NRDE2: variants seen among roughly 807,000 people sequenced by gnomAD.
NRDE2 encodes nuclear exosome regulator NRDE2.
Under a neutral mutation model 124.2 loss-of-function variants are expected in NRDE2, and 76 were observed. The observed-to-expected ratio is 0.61, with a 90% CI of 0.51 to 0.74. The LOEUF (loss-of-function observed/expected upper bound fraction) is 0.74. Ranked by LOEUF, NRDE2 falls within the 30% of genes least tolerant of loss-of-function variation. NRDE2 has a pLI of 0.00. For missense variants in NRDE2, 1,314 were observed against 1,417.3 expected (o/e 0.93, Z 1.17); for synonymous variants, 489 against 528.1 (o/e 0.93, Z 1.01).
chr14:90,330,222 T>TAAATAAATAAATAAAAAAA (rs142138155), intron 1 of NRDE2, among the ~76,000 whole-genome samples: 8 of 141,590 alleles, frequency 5.7e-5, no homozygotes, highest in African/African-American at 2.1e-4. Context: ...AAAAAATAAA[T>TAAATAAATAAATAAAAAAA]AAATAAATAA....
intron 1 of NRDE2, among the ~76,000 whole-genome samples, chr14:90,323,797 A>C (rs1479004747): frequency 6.6e-6 from 1 of 152,180 alleles, no homozygotes; most frequent in African/African-American, 2.4e-5. Context: ...TTATAACACA[A>C]GCTCTGTACG....
At chr14:90,292,658 C>T (rs764357247) in intron 9 of NRDE2, 39 bp downstream of exon 9, 3 of 1,596,020 alleles carry the variant, frequency 1.9e-6, no homozygotes, top group Admixed American at 3.4e-5. Flanking sequence ...AGGCAGGGAC[C>T]CCCTGGACAG....
At position 90,296,462 on chromosome 14, in the gene NRDE2, C is replaced by CA. The variant is rs542961014; in HGVS notation, c.1666+1797dup. On this transcript the variant is annotated intron_variant, in intron 8 of 13. Coordinates refer to ENST00000354366, the MANE Select transcript of NRDE2 (RefSeq NM_017970.4). The stretch of plus-strand genomic sequence containing the variant: ...CAAGTGAGGCATGATCACTGCCTGA[C>CA]AGCACTGCCCAGAGGAGAGTTACCC... Among the ~76,000 whole-genome samples, 262 of 152,358 alleles carry CA rather than the reference C, an allele frequency of 1.7e-3. 1 individual carries two copies. The highest frequency in any genetic ancestry group is 6.4e-3 in the South Asian group (31 of 4,830).
chr14:90,314,921 G>C (rs1281635927), intron 3 of NRDE2, among the ~76,000 whole-genome samples: 1 of 152,014 alleles, frequency 6.6e-6, no homozygotes, highest in Non-Finnish European at 1.5e-5. Flanking sequence ...TGTAATCCCA[G>C]CACTTTGGGA....
Position 90,272,358 on chromosome 14 carries a change from A to G in NRDE2, c.*5978T>C, listed in dbSNP as rs774562807. The G allele has an allele frequency of 2.3e-5, 37 of 1,599,296 alleles. No homozygotes were observed. The highest frequency in any genetic ancestry group is 1.5e-4 in the South Asian group (13 of 88,828). On this transcript the variant is annotated 3_prime_UTR_variant, in exon 14 of 14. Transcript: ENST00000354366. The surrounding 1 kb of genome is among the most constrained non-coding windows in gnomAD (Gnocchi z 4.5). ...GAAGACTTCAAAAAATCTAAAGAAA[A>G]TGTTCTTTATAAGAAACAGGAAGGC...
chr14:90,326,480 G>A (rs1205963850), intron 1 of NRDE2, among the ~76,000 whole-genome samples: 2 of 138,186 alleles, frequency 1.4e-5, no homozygotes, highest in Admixed American at 8.0e-5. Context: ...CGGCCTGGGC[G>A]ACAGAGCGAG....
intron 4 of NRDE2, among the ~76,000 whole-genome samples, chr14:90,308,157 T>C (rs1884686683): frequency 6.6e-6 from 1 of 152,234 alleles, no homozygotes; most frequent in South Asian, 2.1e-4. Flanking sequence ...GCCAACTATT[T>C]TATCTGGTGT....
At position 90,316,702 on chromosome 14, in the gene NRDE2, G is replaced by T; in HGVS notation, c.283C>A (p.His95Asn). 1.2e-6 allele frequency: 2 copies of T among 1,613,804 alleles called. No individual in the cohort carries two copies. The highest frequency in any genetic ancestry group is 1.7e-6 in the Non-Finnish European group (2 of 1,179,936). ...CCATGCTTCCTCTTTGTTTTCTTAT[G>T]ATGCTGATGCTTCCTTTTTTTCTTT... ...EKKKKRKHQH[H>N]KKTKRKHGPS... Residue 95 changes from histidine to asparagine, a missense_variant, in exon 3 of 14, where the codon CAT becomes AAT. Physicochemically the swap from His to Asn is moderately conservative, Grantham distance 68. Coordinates refer to ENST00000354366, the MANE Select transcript of NRDE2 (RefSeq NM_017970.4).
At position 90,288,828 on chromosome 14, in the gene NRDE2, T is replaced by C. The variant is rs766871563; in HGVS notation, c.2547A>G (p.Ile849Met). The C allele has an allele frequency of 2.1e-5, 34 of 1,614,130 alleles. No homozygotes were observed. Among genetic ancestry groups the C allele is most frequent in the Non-Finnish European group, 2.9e-5 (34 of 1,180,032 alleles). The change falls in exon 11 of 14, where the codon ATA (isoleucine) becomes ATG (methionine). Residue 849 changes from isoleucine (I) to methionine (M), a missense_variant. Coordinates refer to ENST00000354366, the MANE Select transcript of NRDE2 (RefSeq NM_017970.4). ...GGCTGCTCTCAGTCAGCTTGGTTAA[T>C]ATGTGAACAGCTCGAGCTGTGGCAG... ...RRAATARAVH[I>M]LTKLTESSPY...
rs551469786 is a variant in NRDE2, at chr14:90,273,070, C to T, written c.*5266G>A. ...GTGTTCAGAAACATGTCAGAACTTCCCCTTCCCTTTCTCCGTCTATTTCCG... is the reference window on the plus strand; with the variant it reads ...GTGTTCAGAAACATGTCAGAACTTCTCCTTCCCTTTCTCCGTCTATTTCCG... On this transcript the variant is annotated 3_prime_UTR_variant, in exon 14 of 14. Transcript: ENST00000354366. 1 of 152,296 alleles carries T rather than the reference C, an allele frequency of 6.6e-6. No homozygotes were observed. Among genetic ancestry groups the T allele is most frequent in the Non-Finnish European group, 1.5e-5 (1 of 68,058 alleles). 9.4% of individuals were successfully genotyped at this position (152,296 alleles called of 1,614,324 possible).
Position 90,288,615 on chromosome 14 carries a change from A to G in NRDE2, c.2760T>C (p.Ile920=). The stretch of plus-strand genomic sequence containing the variant: ...GTTCGTATATCTGCACAGCAGCATC[A>G]ATCCCTATGGTCAAATACTGGAAGA... ...FMLFQYLTIG[I]DAAVQIYEQV... Residue 920 remains isoleucine, a synonymous_variant, in exon 11 of 14, where the codon ATT becomes ATC. Coordinates refer to ENST00000354366, the MANE Select transcript of NRDE2 (RefSeq NM_017970.4). 1.9e-6 allele frequency: 3 copies of G among 1,614,204 alleles called. No individual in the cohort carries two copies. The highest frequency in any genetic ancestry group is 2.5e-6 in the Non-Finnish European group (3 of 1,180,040).
At chr14:90,331,190 C>T (rs932609274) in intron 1 of NRDE2, among the ~76,000 whole-genome samples, 1 of 152,156 alleles carries the variant, frequency 6.6e-6, no homozygotes, top group Non-Finnish European at 1.5e-5. Context: ...GCCACTGCTC[C>T]TGGCCAGGAT....
At chr14:90,308,961 G>T (rs1183832071) in intron 4 of NRDE2, among the ~76,000 whole-genome samples, 1 of 152,112 alleles carries the variant, frequency 6.6e-6, no homozygotes, top group Non-Finnish European at 1.5e-5. Flanking sequence ...ATAACCCACA[G>T]GCCGGGCGTG....
intron 8 of NRDE2, among the ~76,000 whole-genome samples, chr14:90,294,537 T>C (rs1429407679): frequency 1.3e-5 from 2 of 152,108 alleles, no homozygotes; most frequent in African/African-American, 4.8e-5. Flanking sequence ...TGGCGTGACA[T>C]GGATGAACCC....
chr14:90,322,497 C>T (rs916849489), intron 1 of NRDE2, among the ~76,000 whole-genome samples: 2 of 152,052 alleles, frequency 1.3e-5, no homozygotes, highest in African/African-American at 4.8e-5. Context: ...CATGTTTATA[C>T]CCCCAACACC....
At chr14:90,298,557 C>A (rs1029404875) in intron 7 of NRDE2, among the ~76,000 whole-genome samples, 177 bp from the exon 8 acceptor site, 2 of 152,164 alleles carry the variant, frequency 1.3e-5, no homozygotes, top group East Asian at 1.9e-4. Context: ...ATCTATCTAG[C>A]GTGGCAGGCA....
At chr14:90,282,463 G>A (rs1159065695) in intron 12 of NRDE2, among the ~76,000 whole-genome samples, 1 of 145,986 alleles carries the variant, frequency 6.8e-6, no homozygotes, top group African/African-American at 2.5e-5. Flanking sequence ...TGGGCAATAA[G>A]AAAGACCCTA....
At chr14:90,286,774 C>T (rs997542169) in intron 11 of NRDE2, among the ~76,000 whole-genome samples, 7 of 152,116 alleles carry the variant, frequency 4.6e-5, no homozygotes, top group African/African-American at 7.2e-5. Flanking sequence ...CTTTGCTGGG[C>T]GCAATGGCTC....
rs1891716368 is a variant in NRDE2 at position 90,273,288 on chromosome 14, G to C, written c.*5048C>G. 6.6e-6 allele frequency: 1 copy of C among 152,206 alleles called. No homozygotes were observed. Among genetic ancestry groups the C allele is most frequent in the Non-Finnish European group, 1.5e-5 (1 of 68,066 alleles). 9.4% of individuals were successfully genotyped at this position (152,206 alleles called of 1,614,324 possible). A position where few individuals can be genotyped will look rare whatever the true frequency, so the allele number is the denominator to read the frequency against. Reference sequence around the variant, plus strand: ...AAAACAGCACAATTTGGCCAGGCACGGTGGCTCACGCCTGTAATCCCAGCA... The same window carrying C: ...AAAACAGCACAATTTGGCCAGGCACCGTGGCTCACGCCTGTAATCCCAGCA... On this transcript the variant is annotated 3_prime_UTR_variant, in exon 14 of 14. Transcript: ENST00000354366.
Sources: gnomAD v4.1 joint callset for allele counts (sites outside exome capture counted in the v4.1 genomes callset) on GRCh38, gnomAD v4.1.1 for gene constraint, Gnocchi (gnomAD v3.1) non-coding constraint, MANE v1.5 for transcripts, NCBI Gene and HGNC (gene_info 2026-07-23, HGNC 2026-07-21) for gene names.